Variants in PAXIP1 observed in about 807,000 individuals in gnomAD.
The protein encoded by PAXIP1 is PAX interacting protein 1.
PAXIP1 carries 19 observed loss-of-function variants against 140.6 expected under a neutral mutation model. The ratio of observed to expected loss-of-function variants is 0.14; its 90% CI spans 0.09 to 0.20. The LOEUF (loss-of-function observed/expected upper bound fraction) is 0.20, where lower values mean the gene tolerates loss of function less well. Among genes scored for constraint, PAXIP1 ranks in the 10% least tolerant of loss-of-function variants. PAXIP1 has a pLI of 1.00. For missense variants in PAXIP1, 920 were observed against 1,208.6 expected, an observed-to-expected ratio of 0.76 and a Z score of 3.54; for synonymous variants, 442 against 444.6, an observed-to-expected ratio of 0.99 and a Z score of 0.07.
intron 1 of PAXIP1, chr7:155,001,849 A>C (rs1810913782): frequency 6.6e-6 from 1 of 152,210 alleles, no homozygotes; most frequent in African/African-American, 2.4e-5. Context: ...TGTTACAAGG[A>C]CGAACCTCAA....
intron 3 of PAXIP1, 23 bp downstream of exon 3, chr7:154,993,703 C>T (rs1382374759): frequency 6.4e-7 from 1 of 1,567,486 alleles, no homozygotes; most frequent in Admixed American, 1.8e-5. Flanking sequence ...TTTCCCTCCT[C>T]CCCCACTCAA....
chr7:154,995,664 A>G (rs1810558330), intron 2 of PAXIP1, among the ~76,000 whole-genome samples: 1 of 152,224 alleles, frequency 6.6e-6, no homozygotes, highest in Non-Finnish European at 1.5e-5. Flanking sequence ...AGCCTGGCCA[A>G]CATGGTGAAA....
At position 154,967,852 on chromosome 7, in the gene PAXIP1, C is replaced by G; in HGVS notation, c.1857G>C (p.Gln619His). The change falls in exon 8 of 21, where the codon CAG becomes CAC. Residue 619 changes from glutamine to histidine, a missense_variant. Physicochemically the swap from Gln to His is conservative, Grantham distance 24. Transcript: ENST00000404141. ...TGGCCAGCAGTTGCTTATCAGACATCTGCTCTGGATAATCCGCAATTGCAA... is the reference window on the plus strand; with the variant it reads ...TGGCCAGCAGTTGCTTATCAGACATGTGCTCTGGATAATCCGCAATTGCAA... ...CVFAIADYPE[Q>H]MSDKQLLATW... 1 of 1,613,928 alleles carries G rather than the reference C, an allele frequency of 6.2e-7. No homozygotes were observed. Among genetic ancestry groups the G allele is most frequent in the Non-Finnish European group, 8.5e-7 (1 of 1,179,802 alleles).
chr7:154,968,373 G>A (rs1342439481), intron 7 of PAXIP1, 30 bp downstream of exon 7: 7 of 1,504,168 alleles, frequency 4.7e-6, no homozygotes, highest in Non-Finnish European at 6.3e-6. Context: ...AGACTTTTAG[G>A]AGAGAGGAAA....
In PAXIP1 at chr7:154,968,737, GAGCTGCTGCTGAGGGCGATGC is replaced by G. The variant is rs1249330424; in HGVS notation, c.1443_1463del (p.His482_Leu488del). 2.8e-6 allele frequency: 2 copies of G among 718,230 alleles called. No individual in the cohort carries two copies. Among genetic ancestry groups the G allele is most frequent in the Non-Finnish European group, 5.2e-6 (2 of 385,330 alleles). 44.5% of individuals were successfully genotyped at this position (718,230 alleles called of 1,614,324 possible). On this transcript the variant is annotated inframe_deletion, in exon 7 of 21. Transcript: ENST00000404141. Reference sequence around the variant, plus strand: ...GGGCATGCTGCTGCTGAAAGGGCTGGAGCTGCTGCTGAGGGCGATGCAGCTGCTGTGGAGGATGCAACTGTT... The same window carrying G: ...GGGCATGCTGCTGCTGAAAGGGCTGGAGCTGCTGTGGAGGATGCAACTGTT...
chr7:154,972,835 C>T (rs568854458), intron 6 of PAXIP1, among the ~76,000 whole-genome samples: 6 of 152,234 alleles, frequency 3.9e-5, no homozygotes, highest in Middle Eastern at 3.2e-3. Flanking sequence ...TATCATCACT[C>T]TTCTCATGAC....
In PAXIP1 at chr7:155,003,090, C is replaced by T. The variant is rs1365400465; in HGVS notation, c.-161G>A. Reference sequence around the variant, plus strand: ...TCGGGGTCCGCTCCCCCGCCCTCCGCGCCCCCGCCCGCGCCCGCGCCGAGC... The same window carrying T: ...TCGGGGTCCGCTCCCCCGCCCTCCGTGCCCCCGCCCGCGCCCGCGCCGAGC... On this transcript the variant is annotated 5_prime_UTR_variant, in exon 1 of 21. Coordinates refer to ENST00000404141, the MANE Select transcript of PAXIP1 (RefSeq NM_007349.4). The T allele has an allele frequency of 1.1e-5, 2 of 177,612 alleles. No homozygotes were observed. Among genetic ancestry groups the T allele is most frequent in the African/African-American group, 2.4e-5 (1 of 41,320 alleles). The allele number at this position is 177,612 out of a possible 1,614,324, so 11.0% of individuals were successfully genotyped here.
chr7:154,963,510 A>G lies in PAXIP1; in HGVS notation c.1989+161T>C, dbSNP rs1437845465. Among the ~76,000 whole-genome samples, 1 of 152,166 alleles carries G rather than the reference A, an allele frequency of 6.6e-6. No homozygotes were observed. The highest frequency in any genetic ancestry group is 1.5e-5 in the Non-Finnish European group (1 of 68,018). Reference sequence around the variant, plus strand: ...TCAAAGACAATGGTGCCCACAAAAGATATCAATCCCACCAAAGATTCGATC... The same window carrying G: ...TCAAAGACAATGGTGCCCACAAAAGGTATCAATCCCACCAAAGATTCGATC... On this transcript the variant is annotated intron_variant, in intron 9 of 20. Coordinates refer to ENST00000404141, the MANE Select transcript of PAXIP1 (RefSeq NM_007349.4). The surrounding 1 kb of genome is among the most constrained non-coding windows in gnomAD (Gnocchi z 4.1).
intron 1 of PAXIP1, 44 bp from the exon 2 acceptor site, chr7:154,998,828 G>A: frequency 6.5e-7 from 1 of 1,536,242 alleles, no homozygotes; most frequent in Non-Finnish European, 8.9e-7. Context: ...GGGCAATACT[G>A]TACTGTACTC....
chr7:154,946,237 T>TGCATAAATCACAATA lies in PAXIP1; in HGVS notation c.3194+113_3194+127dup, dbSNP rs1807968769. On this transcript the variant is annotated intron_variant, in intron 20 of 20. Transcript: ENST00000404141. The surrounding 1 kb of genome is among the most constrained non-coding windows in gnomAD (Gnocchi z 4.9). ...TTCTGAAGAGAAAAGAATTGTTCAC[T>TGCATAAATCACAATA]GCATAAATCACAATAGCAAAGAAAG... is the stretch of plus-strand genomic sequence containing the variant. 1 of 1,514,814 alleles carries TGCATAAATCACAATA rather than the reference T, an allele frequency of 6.6e-7. No individual in the cohort carries two copies. The highest frequency in any genetic ancestry group is 1.3e-5 in the South Asian group (1 of 75,564). 93.8% of individuals were successfully genotyped at this position (1,514,814 alleles called of 1,614,324 possible).
intron 1 of PAXIP1, among the ~76,000 whole-genome samples, chr7:155,002,621 G>A (rs971247448): frequency 6.6e-6 from 1 of 151,722 alleles, no homozygotes; most frequent in Non-Finnish European, 1.5e-5. Flanking sequence ...ACTAGGGGCC[G>A]AGGTACAGAG....
intron 20 of PAXIP1, chr7:154,945,531 TC>T: frequency 2.0e-6 from 2 of 985,380 alleles, no homozygotes; most frequent in Non-Finnish European, 2.4e-6. Flanking sequence ...AGCAGTCCTA[TC>T]CCAAACACAA....
intron 8 of PAXIP1, chr7:154,964,275 A>G (rs1230537903): frequency 6.5e-6 from 1 of 154,064 alleles, no homozygotes; most frequent in Non-Finnish European, 1.4e-5. Flanking sequence ...TTTCTTCTCA[A>G]AACACATCTG....
At chr7:154,991,524 A>T (rs1810330422) in intron 3 of PAXIP1, among the ~76,000 whole-genome samples, 1 of 152,228 alleles carries the variant, frequency 6.6e-6, no homozygotes, top group Non-Finnish European at 1.5e-5. Flanking sequence ...TAAGAGCTTG[A>T]TTGAGCTCTA....
chr7:154,955,383 C>A (rs1018327751), intron 15 of PAXIP1, 146 bp downstream of exon 15: 1 of 580,552 alleles, frequency 1.7e-6, no homozygotes, highest in South Asian at 2.2e-5. Context: ...ACTATAAATA[C>A]TACTAAAAAT....
intron 5 of PAXIP1, among the ~76,000 whole-genome samples, chr7:154,976,913 T>G (rs1279559424): frequency 1.3e-5 from 2 of 152,236 alleles, no homozygotes; most frequent in East Asian, 3.8e-4. Flanking sequence ...GGCTCACAAT[T>G]TGGTTCTAAA....
intron 6 of PAXIP1, 63 bp downstream of exon 6, chr7:154,975,633 A>ATTT: frequency 8.6e-7 from 1 of 1,157,324 alleles, no homozygotes; most frequent in Non-Finnish European, 1.2e-6. Flanking sequence ...CTACATTGAA[A>ATTT]TAGACTGTGA....
rs1808835801 is a variant in PAXIP1, at chr7:154,963,083, T to C, written c.1989+588A>G. On this transcript the variant is annotated intron_variant, in intron 9 of 20. Coordinates refer to ENST00000404141, the MANE Select transcript of PAXIP1 (RefSeq NM_007349.4). This position sits in a 1 kb window ranked among gnomAD's most constrained non-coding sequence, Gnocchi z 4.1. ...AAGGGACCTGGTCTTTACACGCTTG[T>C]GTGCAAGTCACACACCAGTACAGAA... Among the ~76,000 whole-genome samples, 1 of 152,230 alleles carries C rather than the reference T, an allele frequency of 6.6e-6. No individual in the cohort carries two copies. Among genetic ancestry groups the C allele is most frequent in the Non-Finnish European group, 1.5e-5 (1 of 68,042 alleles).
chr7:154,969,274 A>C, intron 6 of PAXIP1, 148 bp from the exon 7 acceptor site: 1 of 842,938 alleles, frequency 1.2e-6, no homozygotes, highest in East Asian at 2.9e-5. Context: ...CAAAAACAAT[A>C]CTGCATTTTC....
Sources: allele counts gnomAD v4.1 joint callset (sites outside exome capture counted in the v4.1 genomes callset), GRCh38; gene constraint gnomAD v4.1.1; non-coding constraint Gnocchi (gnomAD v3.1); transcripts MANE v1.5; gene names NCBI Gene and HGNC (gene_info 2026-07-23, HGNC 2026-07-21).